The following HDAC9 variants were observed in gnomAD, a reference collection of about 807,000 sequenced individuals.
HDAC9 encodes the protein histone deacetylase 9.
Under a neutral mutation model 139.4 loss-of-function variants are expected in HDAC9, and 41 were observed. That is an observed-to-expected ratio of 0.29 (90% CI 0.23 to 0.38). The LOEUF is 0.38. Among genes scored for constraint, HDAC9 ranks in the 10% least tolerant of loss-of-function variants. The pLI, the probability that HDAC9 is intolerant of heterozygous loss-of-function variation, is 1.00. For missense variants in HDAC9, 1,147 were observed against 1,297.0 expected, an observed-to-expected ratio of 0.88 and a Z score of 1.78; for synonymous variants, 517 against 476.2, an observed-to-expected ratio of 1.09 and a Z score of -1.12.
chr7:18,667,510 A>G (rs1211684764), intron 12 of HDAC9: 9 of 984,598 alleles, frequency 9.1e-6, no homozygotes, highest in Non-Finnish European at 1.1e-5. Context: ...ATGCACCTTC[A>G]GGAGGACTAT....
chr7:18,603,585 A>G (rs1257937174), intron 6 of HDAC9, among the ~76,000 whole-genome samples: 1 of 152,100 alleles, frequency 6.6e-6, no homozygotes, highest in African/African-American at 2.4e-5. Context: ...GTGTATTTCT[A>G]ATCTCTCCCT....
intron 1 of HDAC9, among the ~76,000 whole-genome samples, chr7:18,415,121 G>T (rs574815259): frequency 6.6e-6 from 1 of 152,266 alleles, no homozygotes; most frequent in African/African-American, 2.4e-5. Flanking sequence ...CTGCTAATTG[G>T]TCAAAACTGA....
At chr7:18,519,589 G>A (rs1240535769) in intron 2 of HDAC9, among the ~76,000 whole-genome samples, 1 of 152,062 alleles carries the variant, frequency 6.6e-6, no homozygotes, top group Non-Finnish European at 1.5e-5. Context: ...AAAAATAAAT[G>A]ACTAGATAAT....
At chr7:18,926,304 G>T (rs1804222590) in intron 22 of HDAC9, among the ~76,000 whole-genome samples, 1 of 152,166 alleles carries the variant, frequency 6.6e-6, no homozygotes, top group East Asian at 1.9e-4. Flanking sequence ...CTATGATGAT[G>T]CCACTACACT....
At chr7:18,424,761 A>G (rs1396806002) in intron 1 of HDAC9, among the ~76,000 whole-genome samples, 1 of 152,152 alleles carries the variant, frequency 6.6e-6, no homozygotes, top group Non-Finnish European at 1.5e-5. Flanking sequence ...ATGCAAAAAA[A>G]TCAGCTGGGC....
chr7:18,437,047 T>A (rs565619019), intron 1 of HDAC9, among the ~76,000 whole-genome samples: 63 of 152,274 alleles, frequency 4.1e-4, no homozygotes, highest in Middle Eastern at 3.4e-3. Flanking sequence ...CTCTGTAAAT[T>A]TCCTCACAGC....
At chr7:18,403,210 TA>T (rs1211137896) in intron 1 of HDAC9, among the ~76,000 whole-genome samples, 2 of 152,202 alleles carry the variant, frequency 1.3e-5, no homozygotes, top group African/African-American at 4.8e-5. Flanking sequence ...GGTATATACT[TA>T]CATAGCAAGA....
intron 22 of HDAC9, chr7:18,892,198 G>C (rs529868898): frequency 3.3e-5 from 5 of 152,148 alleles, no homozygotes; most frequent in African/African-American, 9.7e-5. Context: ...GTCTTCAGTC[G>C]TCATCTGGAA....
chr7:18,213,993 A>G lies in HDAC9; in HGVS notation c.25+51644A>G, dbSNP rs570953815. 3.9e-5 allele frequency among the ~76,000 whole-genome samples: 6 copies of G among 152,138 alleles called. No individual in the cohort carries two copies. The East Asian group carries it at 9.7e-4, about 25-fold the overall frequency. Reference sequence around the variant, plus strand: ...GAGGAGAGGGTATTTCATTTCCAGGATAAGTGATATTAGAACATAAACATC... The same window carrying G: ...GAGGAGAGGGTATTTCATTTCCAGGGTAAGTGATATTAGAACATAAACATC... On this transcript the variant is annotated intron_variant, in intron 2 of 12. Transcript: ENST00000417496.
rs899600095 is a variant in HDAC9, at chr7:18,509,986, G to C, written c.22+13662G>C. Among the ~76,000 whole-genome samples, 6 of 152,156 alleles carry C rather than the reference G, an allele frequency of 3.9e-5. No homozygotes were observed. The South Asian group carries it at 1.0e-3, about 26-fold the overall frequency. ...TTTTAGATAAATGAATGATTAAAGA[G>C]TACAGTGTTATTGCACAATGTGTTT... On this transcript the variant is annotated intron_variant, in intron 2 of 25. Coordinates refer to ENST00000686413, the MANE Select transcript of HDAC9 (RefSeq NM_178425.4).
At chr7:18,839,153 A>G (rs954476385) in intron 21 of HDAC9, among the ~76,000 whole-genome samples, 6 of 152,104 alleles carry the variant, frequency 3.9e-5, no homozygotes, top group African/African-American at 1.2e-4. Flanking sequence ...TTCAACTAAA[A>G]TATATTTCCG....
intron 2 of HDAC9, 132 bp from the exon 3 acceptor site, chr7:18,585,149 T>C (rs1022554909): frequency 3.2e-6 from 3 of 936,986 alleles, no homozygotes; most frequent in South Asian, 1.6e-5. Flanking sequence ...TGTAAAGAAA[T>C]GGCTAGAGTC....
At chr7:18,335,652 G>C (rs974389834) in intron 1 of HDAC9, among the ~76,000 whole-genome samples, 87 of 151,678 alleles carry the variant, frequency 5.7e-4, no homozygotes, top group African/African-American at 1.9e-3. Context: ...TCAGGTAAAG[G>C]GTGGGGGTAA....
intron 25 of HDAC9, among the ~76,000 whole-genome samples, chr7:18,976,561 G>A (rs1784565037): frequency 6.6e-6 from 1 of 152,184 alleles, no homozygotes; most frequent in Non-Finnish European, 1.5e-5. Context: ...TGGTTTTAAT[G>A]TATCTTCTTA....
chr7:18,602,214 T>C (rs1400560095), intron 6 of HDAC9, among the ~76,000 whole-genome samples: 1 of 152,120 alleles, frequency 6.6e-6, no homozygotes, highest in African/African-American at 2.4e-5. Flanking sequence ...AAATAATTCA[T>C]GTGACTTTTC....
At chr7:18,137,521 T>A in intron 1 of HDAC9, among the ~76,000 whole-genome samples, 1 of 152,032 alleles carries the variant, frequency 6.6e-6, no homozygotes, top group East Asian at 1.9e-4. Context: ...TGAAGGGTTG[T>A]TGAATTTTGT....
intron 11 of HDAC9, among the ~76,000 whole-genome samples, chr7:18,664,070 C>T (rs953169076): frequency 6.6e-6 from 1 of 152,154 alleles, no homozygotes; most frequent in Non-Finnish European, 1.5e-5. Context: ...GTTCCTACAA[C>T]TTTGTAGTCA....
chr7:18,504,310 T>C (rs939506905), intron 2 of HDAC9, among the ~76,000 whole-genome samples: 18 of 152,180 alleles, frequency 1.2e-4, no homozygotes, highest in African/African-American at 4.1e-4. Flanking sequence ...TTATTTTGTT[T>C]TGTTCTGTTT....
At chr7:18,688,298 G>C (rs1467391559) in intron 12 of HDAC9, among the ~76,000 whole-genome samples, 1 of 151,722 alleles carries the variant, frequency 6.6e-6, no homozygotes, top group Non-Finnish European at 1.5e-5. Context: ...GTTTAGTCTA[G>C]CCTTAGTTTG....
Sources: allele counts gnomAD v4.1 joint callset (sites outside exome capture counted in the v4.1 genomes callset), GRCh38; gene constraint gnomAD v4.1.1; transcripts MANE v1.5; gene names NCBI Gene and HGNC (gene_info 2026-07-23, HGNC 2026-07-21).